DLGAP2: variants seen among roughly 807,000 people sequenced by gnomAD.
DLGAP2 encodes DLG associated protein 2, also known as disks large-associated protein 2.
A neutral mutation model predicts 100.3 loss-of-function variants in DLGAP2; 26 were observed. That is an observed-to-expected ratio of 0.26 (90% CI 0.19 to 0.36). The LOEUF is 0.36. DLGAP2 is among the 10% of genes least tolerant of loss of function. DLGAP2 has a pLI of 1.00. For missense variants in DLGAP2, 1,858 were observed against 1,453.2 expected, an observed-to-expected ratio of 1.28 and a Z score of -4.53; for synonymous variants, 886 against 630.1, an observed-to-expected ratio of 1.41 and a Z score of -6.08.
chr8:824,652 C>G (rs946476828), intron 1 of DLGAP2, among the ~76,000 whole-genome samples: 14 of 152,012 alleles, frequency 9.2e-5, no homozygotes. Flanking sequence ...GTGGTTCCGC[C>G]TGTTTGGGTT....
Position 1,678,587 on chromosome 8 carries a change from G to C in DLGAP2, c.2662G>C (p.Glu888Gln), listed in dbSNP as rs762516075. ...AAAGAGGATGGAAGGCTGGTGCAAA[G>C]AGATGGAGAGAGAGGCGGAGGAGAA... ...ETKRMEGWCK[E>Q]MEREAEENDL... The change falls in exon 12 of 15, where the codon GAG becomes CAG. Residue 888 changes from glutamate (E) to glutamine (Q), a missense_variant. Transcript: ENST00000637795. The C allele has an allele frequency of 1.9e-6, 3 of 1,575,350 alleles. No individual in the cohort carries two copies. Among genetic ancestry groups the C allele is most frequent in the African/African-American group, 1.3e-5 (1 of 74,114 alleles).
At chr8:1,241,076 G>A (rs1475383803) in intron 2 of DLGAP2, among the ~76,000 whole-genome samples, 2 of 40,952 alleles carry the variant, frequency 4.9e-5, no homozygotes, top group South Asian at 1.3e-3. Flanking sequence ...CTCACATGGT[G>A]ACGTGTCTAG....
chr8:1,340,298 C>A (rs1801390384), intron 3 of DLGAP2, among the ~76,000 whole-genome samples: 1 of 152,174 alleles, frequency 6.6e-6, no homozygotes, highest in African/African-American at 2.4e-5. Flanking sequence ...AGCAAACAGG[C>A]AACCTACAGA....
At chr8:1,582,590 C>T (rs541967503) in intron 6 of DLGAP2, among the ~76,000 whole-genome samples, 2 of 151,724 alleles carry the variant, frequency 1.3e-5, no homozygotes, top group African/African-American at 4.8e-5. Flanking sequence ...GAAGTTCGTT[C>T]TTTTCTTTTC....
In DLGAP2 at chr8:1,056,899, T is replaced by A. The variant is rs999968206; in HGVS notation, c.73+148933T>A. ...GTAAATAGCATTTCCCCCTTAATCC[T>A]CTACCTGCATTTTCTGGTGAATACA... On this transcript the variant is annotated intron_variant, in intron 2 of 14. Coordinates refer to ENST00000637795, the MANE Select transcript of DLGAP2 (RefSeq NM_001346810.2). 3.9e-5 allele frequency among the ~76,000 whole-genome samples: 6 copies of A among 152,226 alleles called. No individual in the cohort carries two copies. The South Asian group carries it at 8.3e-4, about 21-fold the overall frequency.
chr8:1,628,976 C>CA (rs1218304496), intron 7 of DLGAP2, among the ~76,000 whole-genome samples: 1 of 152,214 alleles, frequency 6.6e-6, no homozygotes, highest in Non-Finnish European at 1.5e-5. Context: ...ACTGAGCACT[C>CA]AAAAATGATA....
At chr8:1,115,486 A>G (rs1805088479) in intron 2 of DLGAP2, among the ~76,000 whole-genome samples, 1 of 152,264 alleles carries the variant, frequency 6.6e-6, no homozygotes, top group Admixed American at 6.5e-5. Context: ...TGGAGTAGTA[A>G]TAACTACTTT....
intron 2 of DLGAP2, among the ~76,000 whole-genome samples, chr8:1,008,731 C>T (rs919934685): frequency 5.9e-5 from 9 of 152,294 alleles, no homozygotes; most frequent in South Asian, 4.1e-4. Context: ...GCCGGTTCCC[C>T]GCTCCCCCAC....
intron 6 of DLGAP2, among the ~76,000 whole-genome samples, chr8:1,616,903 G>A (rs1211874096): frequency 6.6e-6 from 1 of 152,092 alleles, no homozygotes; most frequent in East Asian, 1.9e-4. Context: ...ACCTCCAGGA[G>A]GCCCCAGTAT....
At chr8:1,195,261 G>T (rs1468240698) in intron 2 of DLGAP2, among the ~76,000 whole-genome samples, 1 of 152,196 alleles carries the variant, frequency 6.6e-6, no homozygotes, top group Non-Finnish European at 1.5e-5. Context: ...TCTGCCTCCC[G>T]CTGGCCAAGC....
At chr8:819,198 T>C (rs1426940172) in intron 1 of DLGAP2, among the ~76,000 whole-genome samples, 1 of 152,230 alleles carries the variant, frequency 6.6e-6, no homozygotes, top group Admixed American at 6.5e-5. Flanking sequence ...AAGCTTTGCC[T>C]CATAAGTGCA....
At chr8:1,199,853 A>T (rs906778716) in intron 2 of DLGAP2, among the ~76,000 whole-genome samples, 1 of 152,124 alleles carries the variant, frequency 6.6e-6, no homozygotes, top group Non-Finnish European at 1.5e-5. Flanking sequence ...GAAACACTGG[A>T]ATCATCGGCT....
chr8:1,319,857 G>A (rs1181455936), intron 3 of DLGAP2, among the ~76,000 whole-genome samples: 2 of 152,208 alleles, frequency 1.3e-5, no homozygotes, highest in South Asian at 2.1e-4. Context: ...GAGCACTGCA[G>A]TCAGCATGGA....
intron 1 of DLGAP2, among the ~76,000 whole-genome samples, chr8:863,786 T>G (rs1180608511): frequency 6.6e-6 from 1 of 152,080 alleles, no homozygotes; most frequent in Non-Finnish European, 1.5e-5. Context: ...GAAATGTAAA[T>G]TAGTACAGCC....
At chr8:1,300,270 T>TACAC (rs1323251440) in intron 3 of DLGAP2, 6 of 151,700 alleles carry the variant, frequency 4.0e-5, no homozygotes, top group Non-Finnish European at 8.8e-5. Flanking sequence ...TATATATACA[T>TACAC]ACACATACAC....
chr8:1,526,990 C>T (rs943506917), intron 4 of DLGAP2, among the ~76,000 whole-genome samples: 2 of 152,156 alleles, frequency 1.3e-5, no homozygotes, highest in Non-Finnish European at 2.9e-5. Context: ...GTCACAAGCC[C>T]ACCCGTTACC....
chr8:1,173,146 C>G (rs1485016825), intron 2 of DLGAP2, among the ~76,000 whole-genome samples: 1 of 152,222 alleles, frequency 6.6e-6, no homozygotes, highest in East Asian at 1.9e-4. Context: ...TAGAGGTCCA[C>G]TCCAGACCCA....
rs147114944 is a variant in DLGAP2 at position 913,861 on chromosome 8, G to C, written c.73+5895G>C. ...GGCAGAACAGCACGGTGTGGACCGG[G>C]AACCCTGACGTGGGAGCCGAAAGAT... On this transcript the variant is annotated intron_variant, in intron 2 of 14. Coordinates refer to ENST00000637795, the MANE Select transcript of DLGAP2 (RefSeq NM_001346810.2). 3.6e-4 allele frequency among the ~76,000 whole-genome samples: 55 copies of C among 152,324 alleles called. 1 individual carries two copies. Among genetic ancestry groups the C allele is most frequent in the African/African-American group, 6.3e-4 (26 of 41,580 alleles).
chr8:868,009 T>C (rs1797529999), intron 1 of DLGAP2, among the ~76,000 whole-genome samples: 1 of 152,246 alleles, frequency 6.6e-6, no homozygotes, highest in African/African-American at 2.4e-5. Flanking sequence ...AATGGCTTCA[T>C]CCATCATGCA....
Sources: allele counts gnomAD v4.1 joint callset (sites outside exome capture counted in the v4.1 genomes callset), GRCh38; gene constraint gnomAD v4.1.1; transcripts MANE v1.5; gene names NCBI Gene and HGNC (gene_info 2026-07-23, HGNC 2026-07-21).